CNTNAP2: variants seen among roughly 807,000 people sequenced by gnomAD.
The protein encoded by CNTNAP2 is contactin-associated protein-like 2.
A neutral mutation model predicts 155.2 loss-of-function variants in CNTNAP2; 98 were observed. That is an observed-to-expected ratio of 0.63 (90% CI 0.54 to 0.75). The LOEUF is 0.75. Among genes scored for constraint, CNTNAP2 ranks in the 30% least tolerant of loss-of-function variants. CNTNAP2 has a pLI of 0.00. For synonymous variants in CNTNAP2, 651 were observed against 631.2 expected (o/e 1.03, Z -0.47); for missense variants, 1,727 against 1,688.1 (o/e 1.02, Z -0.40).
chr7:146,817,274 C>A (rs976207908), intron 2 of CNTNAP2, among the ~76,000 whole-genome samples: 1 of 151,880 alleles, frequency 6.6e-6, no homozygotes, highest in Non-Finnish European at 1.5e-5. Flanking sequence ...GAGTTCAAGA[C>A]CAGCCTGGCT....
At chr7:148,152,775 C>T (rs945880662) in intron 17 of CNTNAP2, among the ~76,000 whole-genome samples, 2 of 152,124 alleles carry the variant, frequency 1.3e-5, no homozygotes, top group Admixed American at 6.5e-5. Flanking sequence ...AATCCCAGCA[C>T]TTTGGGAGGC....
chr7:146,234,359 T>G (rs977249084), intron 1 of CNTNAP2, among the ~76,000 whole-genome samples: 1 of 152,170 alleles, frequency 6.6e-6, no homozygotes, highest in Non-Finnish European at 1.5e-5. Flanking sequence ...ATTCTGGATA[T>G]TAGCCCTTTG....
At chr7:148,415,382 T>A in intron 23 of CNTNAP2, 35 bp from the exon 24 acceptor site, 1 of 1,608,236 alleles carries the variant, frequency 6.2e-7, no homozygotes, top group Non-Finnish European at 8.5e-7. Context: ...TCCCAAGCCC[T>A]GTCTAACCTC....
intron 17 of CNTNAP2, among the ~76,000 whole-genome samples, chr7:148,170,197 A>G (rs538543578): frequency 2.6e-5 from 4 of 152,226 alleles, no homozygotes; most frequent in Non-Finnish European, 4.4e-5. Flanking sequence ...ATCACCAGGC[A>G]GAAAGAGATG....
chr7:148,143,070 T>G (rs1210823480), intron 16 of CNTNAP2, among the ~76,000 whole-genome samples: 2 of 152,250 alleles, frequency 1.3e-5, no homozygotes, highest in African/African-American at 4.8e-5. Flanking sequence ...AAATTACCAT[T>G]AAGACCAGCT....
chr7:148,100,964 G>C (rs909079409), intron 15 of CNTNAP2, among the ~76,000 whole-genome samples: 10 of 152,030 alleles, frequency 6.6e-5, no homozygotes, highest in Non-Finnish European at 1.3e-4. Flanking sequence ...AAAATGAAGA[G>C]TTCATGTCCT....
At chr7:147,251,996 G>T (rs1804210284) in intron 8 of CNTNAP2, among the ~76,000 whole-genome samples, 1 of 151,970 alleles carries the variant, frequency 6.6e-6, no homozygotes, top group African/African-American at 2.4e-5. Flanking sequence ...AGAATCTTTG[G>T]GAATATAGGA....
rs553730370 is a variant in CNTNAP2 at position 148,374,234 on chromosome 7, C to T, written c.3476-9415C>T. ...CTCTTGGGTAAGATAGCTTTAGAGGCCTTCTGGGATAGGAATTATAATACA... is the reference window on the plus strand; with the variant it reads ...CTCTTGGGTAAGATAGCTTTAGAGGTCTTCTGGGATAGGAATTATAATACA... On this transcript the variant is annotated intron_variant, in intron 21 of 23. Transcript: ENST00000361727. Among the ~76,000 whole-genome samples the T allele has an allele frequency of 9.9e-5, 15 of 151,936 alleles. No individual in the cohort carries two copies. In the South Asian group the frequency reaches 2.1e-3, roughly 21 times the overall value.
intron 21 of CNTNAP2, among the ~76,000 whole-genome samples, chr7:148,297,943 G>A (rs924262351): frequency 3.9e-5 from 6 of 152,090 alleles, no homozygotes; most frequent in Admixed American, 1.3e-4. Context: ...AGCTCCCCAC[G>A]CTCAAGAGCT....
chr7:147,309,183 C>T (rs1795081010), intron 9 of CNTNAP2, among the ~76,000 whole-genome samples: 1 of 152,180 alleles, frequency 6.6e-6, no homozygotes, highest in Non-Finnish European at 1.5e-5. Flanking sequence ...TGGAAATTAG[C>T]TCTCATCCAC....
chr7:146,248,522 C>T (rs567608316), intron 1 of CNTNAP2, among the ~76,000 whole-genome samples: 19 of 152,120 alleles, frequency 1.2e-4, no homozygotes, highest in Admixed American at 5.9e-4. Flanking sequence ...AGGGATAAAA[C>T]GTGTCTCCTT....
chr7:147,277,903 G>T (rs1055916977), intron 8 of CNTNAP2, among the ~76,000 whole-genome samples: 28 of 151,014 alleles, frequency 1.9e-4, no homozygotes, highest in African/African-American at 6.1e-4. Context: ...TTTGAAATTC[G>T]AAGTCCTTCA....
rs1045739026 is a variant in CNTNAP2 at position 146,717,444 on chromosome 7, G to A, written c.98-56827G>A. Among the ~76,000 whole-genome samples, 3 of 151,984 alleles carry A rather than the reference G, an allele frequency of 2.0e-5. No homozygotes were observed. In the East Asian group the frequency reaches 5.8e-4, roughly 30 times the overall value. ...ATGGAGAATTGCTTGAACCTGGGAG[G>A]TGGAGGTTGCAGTGAGCCAAGATCA... On this transcript the variant is annotated intron_variant, in intron 1 of 23. Coordinates refer to ENST00000361727, the MANE Select transcript of CNTNAP2 (RefSeq NM_014141.6).
At chr7:146,869,426 TAGTC>T (rs569052866) in intron 3 of CNTNAP2, among the ~76,000 whole-genome samples, 6 of 152,168 alleles carry the variant, frequency 3.9e-5, no homozygotes, top group Non-Finnish European at 7.3e-5. Flanking sequence ...AGTTTTGTAT[TAGTC>T]AGGATTCTCT....
At chr7:146,395,820 GATA>G (rs1563068372) in intron 1 of CNTNAP2, among the ~76,000 whole-genome samples, 9 of 137,440 alleles carry the variant, frequency 6.5e-5, no homozygotes, top group Non-Finnish European at 1.1e-4. Context: ...TAGATAGATA[GATA>G]GAGGAGAGAG....
At chr7:147,902,816 G>A (rs202188314) in intron 13 of CNTNAP2, among the ~76,000 whole-genome samples, 12,517 of 107,300 alleles carry the variant, frequency 0.12, 268 homozygotes, top group Middle Eastern at 0.16. Context: ...GTGTGTGTAT[G>A]TGTGTGTGTG....
At chr7:147,395,887 G>A (rs892076793) in intron 10 of CNTNAP2, 107 bp downstream of exon 10, 32 of 1,273,898 alleles carry the variant, frequency 2.5e-5, no homozygotes, top group Non-Finnish European at 3.4e-5. Context: ...TTAAAAACAG[G>A]TAAGGTGGAA....
intron 8 of CNTNAP2, among the ~76,000 whole-genome samples, chr7:147,216,689 T>G (rs1164930976): frequency 1.3e-5 from 2 of 151,994 alleles, no homozygotes; most frequent in Non-Finnish European, 2.9e-5. Flanking sequence ...ATATAAACTC[T>G]AGAATCAGTT....
At chr7:147,521,804 C>G (rs1451378174) in intron 11 of CNTNAP2, among the ~76,000 whole-genome samples, 1 of 152,074 alleles carries the variant, frequency 6.6e-6, no homozygotes, top group Non-Finnish European at 1.5e-5. Flanking sequence ...ATGAGGCTTT[C>G]TTGAATATGC....
Sources: allele counts gnomAD v4.1 joint callset (sites outside exome capture counted in the v4.1 genomes callset), GRCh38; gene constraint gnomAD v4.1.1; transcripts MANE v1.5; gene names NCBI Gene and HGNC (gene_info 2026-07-23, HGNC 2026-07-21).